The following NUAK1 variants were observed in gnomAD, a reference collection of about 807,000 sequenced individuals.
NUAK1 encodes NUAK family kinase 1, also known as NUAK family SNF1-like kinase 1.
In NUAK1, 26 loss-of-function variants were observed where a neutral mutation model predicts 56.9. That is an observed-to-expected ratio of 0.46 (90% confidence interval 0.33 to 0.63). The LOEUF is 0.63. Among genes scored for constraint, NUAK1 ranks in the 30% least tolerant of loss-of-function variants. The probability of loss-of-function intolerance (pLI) is 0.02; values close to 1 mark genes in which losing one functional copy is unlikely to be tolerated. For synonymous variants in NUAK1, 337 were observed against 336.0 expected, an observed-to-expected ratio of 1.00 and a Z score of -0.03; for missense variants, 727 against 876.1, an observed-to-expected ratio of 0.83 and a Z score of 2.15.
chr12:106,127,532 T>G (rs1017058789), intron 1 of NUAK1, among the ~76,000 whole-genome samples: 1 of 152,174 alleles, frequency 6.6e-6, no homozygotes, highest in African/African-American at 2.4e-5. Flanking sequence ...TCAGAAAGCC[T>G]TGGCTGCCTT....
intron 2 of NUAK1, among the ~76,000 whole-genome samples, chr12:106,092,318 A>T (rs1444138788): frequency 6.6e-6 from 1 of 152,140 alleles, no homozygotes; most frequent in Non-Finnish European, 1.5e-5. Flanking sequence ...GGAGACCGAG[A>T]CCAGCCTGGT....
At chr12:106,093,792 G>A (rs1475996115) in intron 2 of NUAK1, among the ~76,000 whole-genome samples, 1 of 152,102 alleles carries the variant, frequency 6.6e-6, no homozygotes, top group African/African-American at 2.4e-5. Context: ...GTCTTTTGTT[G>A]AGTTTTTTGG....
At chr12:106,136,756 C>G (rs578067634) in intron 1 of NUAK1, among the ~76,000 whole-genome samples, 2 of 152,330 alleles carry the variant, frequency 1.3e-5, no homozygotes, top group South Asian at 4.1e-4. Flanking sequence ...TCTTCAGCAG[C>G]TATTAAGACA....
intron 4 of NUAK1, among the ~76,000 whole-genome samples, chr12:106,077,846 T>C (rs747426764): frequency 2.0e-5 from 3 of 152,228 alleles, no homozygotes; most frequent in Non-Finnish European, 2.9e-5. Context: ...GTGGGGTTGA[T>C]GATAATAATG....
At chr12:106,089,996 C>G (rs2032618682) in intron 2 of NUAK1, among the ~76,000 whole-genome samples, 1 of 152,064 alleles carries the variant, frequency 6.6e-6, no homozygotes, top group Non-Finnish European at 1.5e-5. Flanking sequence ...ACAGTCAAAC[C>G]CAAGCCAAAC....
At chr12:106,094,122 A>T (rs552044432) in intron 2 of NUAK1, among the ~76,000 whole-genome samples, 9 of 143,292 alleles carry the variant, frequency 6.3e-5, no homozygotes, top group African/African-American at 1.5e-4. Context: ...CTGTTGATTT[A>T]AAAAAAAAAA....
At chr12:106,097,799 C>T (rs770380174) in intron 2 of NUAK1, among the ~76,000 whole-genome samples, 3 of 152,160 alleles carry the variant, frequency 2.0e-5, no homozygotes, top group Non-Finnish European at 2.9e-5. Context: ...ACTCTGGGTG[C>T]TGTAACCCAC....
At chr12:106,137,219 T>C (rs1400419966) in intron 1 of NUAK1, among the ~76,000 whole-genome samples, 2 of 152,130 alleles carry the variant, frequency 1.3e-5, no homozygotes, top group East Asian at 3.8e-4. Flanking sequence ...CACAGAACTG[T>C]TCCTGCCGAA....
intron 1 of NUAK1, among the ~76,000 whole-genome samples, chr12:106,135,204 C>A (rs2033117899): frequency 6.6e-6 from 1 of 152,186 alleles, no homozygotes. Context: ...GGGGATAGAT[C>A]AAGGATTTGA....
intron 3 of NUAK1, among the ~76,000 whole-genome samples, chr12:106,085,052 G>T (rs1212828850): frequency 6.6e-6 from 1 of 152,180 alleles, no homozygotes; most frequent in African/African-American, 2.4e-5. Context: ...CTGCAATGAG[G>T]TCTTCTGAAT....
At chr12:106,090,668 C>T (rs748604515) in intron 2 of NUAK1, among the ~76,000 whole-genome samples, 3 of 152,178 alleles carry the variant, frequency 2.0e-5, no homozygotes, top group East Asian at 1.9e-4. Flanking sequence ...TCTGACCCTC[C>T]GCCTCCTCAT....
At chr12:106,120,607 C>T (rs776249158) in intron 1 of NUAK1, among the ~76,000 whole-genome samples, 5 of 152,156 alleles carry the variant, frequency 3.3e-5, no homozygotes, top group Non-Finnish European at 7.3e-5. Flanking sequence ...GAAGTCCCTC[C>T]AAATGTACTT....
rs1219616687 is a variant in NUAK1 at position 106,094,121 on chromosome 12, T to TA, written c.362-7237dup. 8.4e-3 allele frequency among the ~76,000 whole-genome samples: 1,233 copies of TA among 146,262 alleles called. 7 individuals carry two copies. Among genetic ancestry groups the TA allele is most frequent in the Non-Finnish European group, 0.01 (672 of 65,958 alleles). On this transcript the variant is annotated intron_variant, in intron 2 of 6. Coordinates refer to ENST00000261402, the MANE Select transcript of NUAK1 (RefSeq NM_014840.3). The stretch of plus-strand genomic sequence containing the variant: ...TCTGCACCCAGCCCATCTGTTGATT[T>TA]AAAAAAAAAAAGGCCTAGGGCCTAG...
At chr12:106,081,980 C>T (rs1004935488) in intron 4 of NUAK1, among the ~76,000 whole-genome samples, 3 of 152,206 alleles carry the variant, frequency 2.0e-5, no homozygotes, top group Non-Finnish European at 4.4e-5. Flanking sequence ...CACCACTCCC[C>T]AGGACCTAGG....
chr12:106,094,459 C>T (rs2032672968), intron 2 of NUAK1, among the ~76,000 whole-genome samples: 1 of 152,158 alleles, frequency 6.6e-6, no homozygotes, highest in African/African-American at 2.4e-5. Flanking sequence ...ACTTTCCTCC[C>T]TAGAAGTCAA....
At chr12:106,084,510 G>A (rs749696846) in intron 3 of NUAK1, among the ~76,000 whole-genome samples, 13 of 152,210 alleles carry the variant, frequency 8.5e-5, no homozygotes, top group Non-Finnish European at 1.2e-4. Context: ...AGGACTCAGG[G>A]CTGGGTGAAA....
At chr12:106,086,434 C>A (rs144474371) in intron 3 of NUAK1, among the ~76,000 whole-genome samples, 302 of 152,184 alleles carry the variant, frequency 2.0e-3, no homozygotes, top group Middle Eastern at 3.4e-3. Flanking sequence ...TAGATAGGAA[C>A]TCTCTGTACT....
chr12:106,118,209 C>T (rs751857452), intron 1 of NUAK1, among the ~76,000 whole-genome samples: 4 of 152,026 alleles, frequency 2.6e-5, no homozygotes, highest in Non-Finnish European at 5.9e-5. Context: ...TTTTATTGCC[C>T]CCACCACCAC....
At chr12:106,084,058 C>A in intron 3 of NUAK1, 129 bp from the exon 4 acceptor site, 1 of 759,012 alleles carries the variant, frequency 1.3e-6, no homozygotes, top group Non-Finnish European at 2.2e-6. Flanking sequence ...GCCCGGTGGT[C>A]TTCACCTCCA....
Sources: allele counts gnomAD v4.1 joint callset (sites outside exome capture counted in the v4.1 genomes callset), GRCh38; gene constraint gnomAD v4.1.1; transcripts MANE v1.5; gene names NCBI Gene and HGNC (gene_info 2026-07-23, HGNC 2026-07-21).